GREB1L: variants seen among roughly 807,000 people sequenced by gnomAD.
GREB1L encodes the protein GREB1-like protein.
A neutral mutation model predicts 200.8 loss-of-function variants in GREB1L; 17 were observed. That is an observed-to-expected ratio of 0.08 (90% CI 0.06 to 0.13). The LOEUF (loss-of-function observed/expected upper bound fraction) is 0.13, where lower values mean the gene tolerates loss of function less well. Ranked by LOEUF, GREB1L falls within the 10% of genes least tolerant of loss-of-function variation. The probability of loss-of-function intolerance (pLI) is 1.00; values close to 1 mark genes in which losing one functional copy is unlikely to be tolerated. For synonymous variants in GREB1L, 789 were observed against 893.0 expected, an observed-to-expected ratio of 0.88 and a Z score of 2.08; for missense variants, 1,657 against 2,367.7, an observed-to-expected ratio of 0.70 and a Z score of 6.23.
chr18:21,454,660 A>T (rs1243044890), intron 15 of GREB1L, 97 bp downstream of exon 15: 1 of 917,896 alleles, frequency 1.1e-6, no homozygotes, highest in East Asian at 2.6e-5. Flanking sequence ...GAGGATGCTT[A>T]AAACCTTCTT....
At chr18:21,439,068 C>CATG (rs2033740799) in intron 7 of GREB1L, among the ~76,000 whole-genome samples, 1 of 151,636 alleles carries the variant, frequency 6.6e-6, no homozygotes, top group Non-Finnish European at 1.5e-5. Context: ...TCACAGCATG[C>CATG]ATGTGTGTAT....
In GREB1L at chr18:21,516,900, C is replaced by T. The variant is rs1392095166; in HGVS notation, c.5271+146C>T. 6.7e-5 allele frequency: 42 copies of T among 622,612 alleles called. 1 individual carries two copies. Among genetic ancestry groups the T allele is most frequent in the African/African-American group, 5.1e-4 (24 of 47,174 alleles). 38.6% of individuals were successfully genotyped at this position (622,612 alleles called of 1,614,324 possible). A position where few individuals can be genotyped will look rare whatever the true frequency, so the allele number is the denominator to read the frequency against. On this transcript the variant is annotated intron_variant, in intron 30 of 32. Transcript: ENST00000424526. ...GAGTTTTTTTTTTTTTTTTTTGAGA[C>T]AGTCTGTCCCCTAGGCTGGATGGAG...
At chr18:21,426,537 T>C (rs1050970437) in intron 7 of GREB1L, among the ~76,000 whole-genome samples, 20 of 152,234 alleles carry the variant, frequency 1.3e-4, no homozygotes, top group Non-Finnish European at 7.3e-5. Flanking sequence ...CTCTGGACTC[T>C]CAGTGTTATT....
intron 1 of GREB1L, among the ~76,000 whole-genome samples, chr18:21,297,186 C>T (rs2038543625): frequency 6.6e-6 from 1 of 152,132 alleles, no homozygotes. Context: ...AACCCCTATA[C>T]ACATTAAAGT....
intron 7 of GREB1L, among the ~76,000 whole-genome samples, chr18:21,435,635 G>A (rs1391991009): frequency 5.3e-5 from 8 of 152,126 alleles, no homozygotes; most frequent in African/African-American, 1.9e-4. Context: ...TGGTTAAAAG[G>A]AAAAGAAGGG....
intron 1 of GREB1L, among the ~76,000 whole-genome samples, chr18:21,309,005 A>G (rs1230195321): frequency 1.4e-4 from 21 of 152,178 alleles, no homozygotes; most frequent in Non-Finnish European, 2.8e-4. Context: ...TTTGGGTGGG[A>G]ATCTTGTAGA....
At position 21,447,546 on chromosome 18, in the gene GREB1L, C is replaced by T. The variant is rs1306032931; in HGVS notation, c.1394-1964C>T. 2.0e-5 allele frequency among the ~76,000 whole-genome samples: 3 copies of T among 152,104 alleles called. No individual in the cohort carries two copies. In the East Asian group the frequency reaches 5.8e-4, roughly 29 times the overall value. On this transcript the variant is annotated intron_variant, in intron 11 of 32. Coordinates refer to ENST00000424526, the MANE Select transcript of GREB1L (RefSeq NM_001142966.3). ...CCTTTGTGCTTTCAATTAATTATGCCTCCTGATAGAATATGTTACTTAGTC... is the reference window on the plus strand; with the variant it reads ...CCTTTGTGCTTTCAATTAATTATGCTTCCTGATAGAATATGTTACTTAGTC...
Position 21,485,720 on chromosome 18 carries a change from CTT to C in GREB1L, c.2660_2661del (p.Phe887Ter), listed in dbSNP as rs1222024891. On this transcript the variant is annotated frameshift_variant, in exon 18 of 33. Coordinates refer to ENST00000424526, the MANE Select transcript of GREB1L (RefSeq NM_001142966.3). LOFTEE classifies it high-confidence loss of function. ...AGCCCACTTCTGAGATGTGACGAGA[CTT>C]TTGAAAAAATGGTGAACACACTCTT... 6.4e-7 allele frequency: 1 copy of C among 1,551,288 alleles called. No homozygotes were observed. The highest frequency in any genetic ancestry group is 8.7e-7 in the Non-Finnish European group (1 of 1,146,840).
At chr18:21,362,271 A>C (rs1463678908) in intron 1 of GREB1L, among the ~76,000 whole-genome samples, 2 of 152,148 alleles carry the variant, frequency 1.3e-5, no homozygotes, top group Non-Finnish European at 2.9e-5. Context: ...ATATAAGTTG[A>C]AATTTTTTTA....
At chr18:21,437,042 G>T (rs1349838815) in intron 7 of GREB1L, among the ~76,000 whole-genome samples, 1 of 152,108 alleles carries the variant, frequency 6.6e-6, no homozygotes, top group Non-Finnish European at 1.5e-5. Context: ...TTTAAGAGAA[G>T]TAGAAGAATG....
intron 1 of GREB1L, among the ~76,000 whole-genome samples, chr18:21,363,299 C>CCCCCA (rs1555631604): frequency 9.5e-6 from 1 of 105,526 alleles, no homozygotes; most frequent in Non-Finnish European, 1.9e-5. Context: ...CCCCCCCCCC[C>CCCCCA]CACACACACA....
chr18:21,379,108 C>CT (rs1220499453), intron 2 of GREB1L, among the ~76,000 whole-genome samples: 1 of 152,138 alleles, frequency 6.6e-6, no homozygotes, highest in Non-Finnish European at 1.5e-5. Context: ...TCCTTAAACT[C>CT]TAAGTTGAAG....
At chr18:21,463,301 G>A (rs1286361993) in intron 15 of GREB1L, among the ~76,000 whole-genome samples, 23 of 151,200 alleles carry the variant, frequency 1.5e-4, no homozygotes, top group African/African-American at 5.1e-4. Context: ...GCCCGCCACC[G>A]CGCCTGGCTA....
chr18:21,371,460 G>A (rs2039867902), intron 2 of GREB1L, among the ~76,000 whole-genome samples: 1 of 147,284 alleles, frequency 6.8e-6, no homozygotes, highest in African/African-American at 2.6e-5. Context: ...GTGGCACAAT[G>A]ATACAATTTT....
Position 21,485,761 on chromosome 18 carries a change from G to A in GREB1L, c.2690+8G>A, listed in dbSNP as rs182209656. ...GAACACACTCTTGGAGAGGTAAATA[G>A]TAAATAAGGCCTTCTGCTCTTCTCT... is the stretch of plus-strand genomic sequence containing the variant. On this transcript the variant is annotated splice_region_variant and intron_variant, in intron 18 of 32. Transcript: ENST00000424526. The A allele has an allele frequency of 3.7e-4, 578 of 1,551,058 alleles. 3 individuals are homozygous for A. Among genetic ancestry groups the A allele is most frequent in the Middle Eastern group, 2.9e-3 (17 of 5,912 alleles).
chr18:21,360,161 T>G (rs1449805608), intron 1 of GREB1L, among the ~76,000 whole-genome samples: 1 of 152,216 alleles, frequency 6.6e-6, no homozygotes, highest in Non-Finnish European at 1.5e-5. Context: ...AGTCATATAT[T>G]TATTTTTCTT....
rs2034682853 is a variant in GREB1L at position 21,454,879 on chromosome 18, T to G, written c.2182+316T>G. The G allele has an allele frequency of 8.0e-6, 3 of 375,960 alleles. 1 individual carries two copies. In the Admixed American group the frequency reaches 1.2e-4, roughly 15 times the overall value. 23.3% of individuals were successfully genotyped at this position (375,960 alleles called of 1,614,324 possible). ...TTCTCAAGGCGAGGATGGCCCTGCA[T>G]GGGTTGATGGCGTCTGTGCCACCTG... On this transcript the variant is annotated intron_variant, in intron 15 of 32. Coordinates refer to ENST00000424526, the MANE Select transcript of GREB1L (RefSeq NM_001142966.3).
Position 21,389,769 on chromosome 18 carries a change from C to T in GREB1L, c.355+5366C>T, listed in dbSNP as rs561643659. 3.9e-5 allele frequency among the ~76,000 whole-genome samples: 6 copies of T among 152,218 alleles called. No homozygotes were observed. The South Asian group carries it at 6.2e-4, about 16-fold the overall frequency. On this transcript the variant is annotated intron_variant, in intron 4 of 32. Coordinates refer to ENST00000424526, the MANE Select transcript of GREB1L (RefSeq NM_001142966.3). ...AGTCTGTGAGCATGAATTACTTTTG[C>T]GGCTTGCCAAAACTTGAATTTTAAG...
rs1396457646 is a variant in GREB1L at position 21,242,278 on chromosome 18, GC to G, written c.-233del. ...GGCGCTAGCACCTCGGAGTCGGGCGGCCGGAGCAGCGGAGCGCAGCGCGGCG... is the reference window on the plus strand; with the variant it reads ...GGCGCTAGCACCTCGGAGTCGGGCGGCGGAGCAGCGGAGCGCAGCGCGGCG... On this transcript the variant is annotated 5_prime_UTR_variant, in exon 1 of 33. Transcript: ENST00000424526. 6.6e-6 allele frequency: 1 copy of G among 152,134 alleles called. No homozygotes were observed. The highest frequency in any genetic ancestry group is 1.9e-4 in the East Asian group (1 of 5,168). 9.4% of individuals were successfully genotyped at this position (152,134 alleles called of 1,614,324 possible).
Sources: allele counts gnomAD v4.1 joint callset (sites outside exome capture counted in the v4.1 genomes callset), GRCh38; gene constraint gnomAD v4.1.1; transcripts MANE v1.5; gene names NCBI Gene and HGNC (gene_info 2026-07-23, HGNC 2026-07-21).